The following RBM4 variants were observed in gnomAD, a reference collection of about 807,000 sequenced individuals.
RBM4 encodes the protein RNA-binding protein 4.
In RBM4, 7 loss-of-function variants were observed where a neutral mutation model predicts 29.5. The observed-to-expected ratio is 0.24, with a 90% CI of 0.14 to 0.45. The LOEUF is 0.45. Among genes scored for constraint, RBM4 ranks in the 20% least tolerant of loss-of-function variants. The probability of loss-of-function intolerance (pLI) is 1.00; values close to 1 mark genes in which losing one functional copy is unlikely to be tolerated. For missense variants in RBM4, 387 were observed against 502.3 expected (o/e 0.77, Z 2.19); for synonymous variants, 220 against 205.4 (o/e 1.07, Z -0.61).
Position 66,644,275 on chromosome 11 carries a change from A to G in RBM4, c.*8+135A>G, listed in dbSNP as rs1471799471. ...AGGTTACTAGGATGGCTCACAGGCT[A>G]GAGAGAAGTCCTAACTGCTTAACTT... On this transcript the variant is annotated intron_variant, in intron 3 of 3. Coordinates refer to ENST00000310092, the MANE Select transcript of RBM4 (RefSeq NM_002896.4). 6 of 1,253,140 alleles carry G rather than the reference A, an allele frequency of 4.8e-6. No homozygotes were observed. In the Admixed American group the frequency reaches 8.8e-5, roughly 18 times the overall value. The allele number at this position is 1,253,140 out of a possible 1,614,324, so 77.6% of individuals were successfully genotyped here.
At chr11:66,654,494 T>A (rs1938901421) in intron 2 of RBM4, among the ~76,000 whole-genome samples, 2 of 151,750 alleles carry the variant, frequency 1.3e-5, no homozygotes, top group South Asian at 4.2e-4. Flanking sequence ...AGACTCCATC[T>A]CAAAAAAAAA....
At chr11:66,646,569 T>G (rs528323954), downstream of RBM4, 1 of 983,992 alleles carries the variant, frequency 1.0e-6, no homozygotes, top group East Asian at 1.1e-4. Flanking sequence ...CAGCTTTGGG[T>G]GAACGTCACT....
Position 66,646,106 on chromosome 11 carries a change from G to T in RBM4, c.*88G>T. ...CTTCGTGGTACCCCATCTCCGGGAC[G>T]TTCTCGGCTCTGTGCGTTCAGTCCC... is the stretch of plus-strand genomic sequence containing the variant. On this transcript the variant is annotated 3_prime_UTR_variant, in exon 4 of 4. Transcript: ENST00000310092. 1 of 1,535,194 alleles carries T rather than the reference G, an allele frequency of 6.5e-7. No individual in the cohort carries two copies. Among genetic ancestry groups the T allele is most frequent in the South Asian group, 1.2e-5 (1 of 84,012 alleles).
chr11:66,662,872 C>CCTTTGCCTT (rs1939110654), intron 2 of RBM4, among the ~76,000 whole-genome samples: 2 of 152,160 alleles, frequency 1.3e-5, no homozygotes, highest in African/African-American at 2.4e-5. Flanking sequence ...AAAACAGAGA[C>CCTTTGCCTT]AGTCTTGCTT....
At chr11:66,644,979 T>C (rs1938630189) in intron 3 of RBM4, among the ~76,000 whole-genome samples, 1 of 152,088 alleles carries the variant, frequency 6.6e-6, no homozygotes, top group Non-Finnish European at 1.5e-5. Context: ...TGACATCATC[T>C]ACTTTCTCAG....
downstream of RBM4, among the ~76,000 whole-genome samples, chr11:66,650,540 C>T (rs1938803137): frequency 6.6e-6 from 1 of 150,982 alleles, no homozygotes; most frequent in African/African-American, 2.4e-5. Flanking sequence ...CATTGAACTC[C>T]AGCCTGGGCA....
downstream of RBM4, among the ~76,000 whole-genome samples, chr11:66,649,330 ACT>A (rs1460301549): frequency 6.6e-6 from 1 of 152,078 alleles, no homozygotes; most frequent in Non-Finnish European, 1.5e-5. Flanking sequence ...GAGAGGAAAA[ACT>A]CTATCAAGAA....
chr11:66,645,196 C>G (rs556944960), intron 3 of RBM4, among the ~76,000 whole-genome samples: 3 of 152,300 alleles, frequency 2.0e-5, no homozygotes, highest in Admixed American at 6.5e-5. Context: ...GCCCCATGAT[C>G]CATTTGGCTC....
At chr11:66,648,501 G>A (rs1172693590), downstream of RBM4, among the ~76,000 whole-genome samples, 1 of 151,796 alleles carries the variant, frequency 6.6e-6, no homozygotes, top group East Asian at 1.9e-4. Context: ...CAGCCTGGGT[G>A]TCTCAAAAAA....
chr11:66,649,432 C>T (rs1051482795), downstream of RBM4, among the ~76,000 whole-genome samples: 2 of 152,210 alleles, frequency 1.3e-5, no homozygotes, highest in African/African-American at 4.8e-5. Context: ...GAAGTTCCAG[C>T]TACTAAGAGG....
At position 66,646,256 on chromosome 11, in the gene RBM4, G is replaced by C; in HGVS notation, c.*238G>C. 7.1e-7 allele frequency: 1 copy of C among 1,409,990 alleles called. No homozygotes were observed. 87.3% of individuals were successfully genotyped at this position (1,409,990 alleles called of 1,614,324 possible). ...AATACTTCTGTAGCTTCCCATTCAT[G>C]TTCTCTTCTCCCAGCAGGCCTCATT... On this transcript the variant is annotated 3_prime_UTR_variant, in exon 4 of 4. Coordinates refer to ENST00000310092, the MANE Select transcript of RBM4 (RefSeq NM_002896.4).
At chr11:66,659,915 T>A (rs1939041358) in intron 2 of RBM4, among the ~76,000 whole-genome samples, 1 of 152,202 alleles carries the variant, frequency 6.6e-6, no homozygotes, top group Non-Finnish European at 1.5e-5. Flanking sequence ...TTGTGAAATG[T>A]ATGTAAATCA....
intron 2 of RBM4, among the ~76,000 whole-genome samples, chr11:66,662,428 G>C (rs1352940401): frequency 1.3e-5 from 2 of 152,078 alleles, no homozygotes; most frequent in Non-Finnish European, 2.9e-5. Flanking sequence ...TTGAGACAGA[G>C]TCTCACTCTG....
chr11:66,655,337 T>G (rs1422320533), intron 2 of RBM4, among the ~76,000 whole-genome samples: 1 of 151,680 alleles, frequency 6.6e-6, no homozygotes, highest in Non-Finnish European at 1.5e-5. Context: ...TCACCCAGAC[T>G]GCAGTGCAGT....
rs892031238 is a variant in RBM4 at position 66,660,447 on chromosome 11, G to A, written c.413-5409G>A. ...GCTCACTACAACCTTTGCCTCCTGG[G>A]TTCAAGTGATTCTCCTACTTCAGCC... On this transcript the variant is annotated intron_variant, in intron 2 of 2. Transcript: ENST00000396053. Among the ~76,000 whole-genome samples, 6 of 150,820 alleles carry A rather than the reference G, an allele frequency of 4.0e-5. No individual in the cohort carries two copies. In the South Asian group the frequency reaches 6.3e-4, roughly 16 times the overall value.
At chr11:66,658,834 GGCT>G (rs1939014053) in intron 2 of RBM4, among the ~76,000 whole-genome samples, 1 of 151,686 alleles carries the variant, frequency 6.6e-6, no homozygotes. Context: ...CTTCTTGGGA[GGCT>G]GAGACAGGAG....
intron 2 of RBM4, among the ~76,000 whole-genome samples, chr11:66,657,897 T>C (rs185680986): frequency 2.0e-5 from 3 of 152,162 alleles, no homozygotes; most frequent in African/African-American, 7.2e-5. Context: ...CTAATTTCTG[T>C]ATTTTGTAGT....
chr11:66,643,606 A>G lies in RBM4; in HGVS notation c.569A>G (p.Tyr190Cys), dbSNP rs1275518268. 1.2e-6 allele frequency: 2 copies of G among 1,614,206 alleles called. No homozygotes were observed. The highest frequency in any genetic ancestry group is 1.7e-5 in the Admixed American group (1 of 60,026). The change falls in exon 3 of 4, where the codon TAT (tyrosine) becomes TGT (cysteine). Residue 190 changes from tyrosine (Y) to cysteine (C), a missense_variant. Physicochemically the swap from Tyr to Cys is radical, Grantham distance 194. Coordinates refer to ENST00000310092, the MANE Select transcript of RBM4 (RefSeq NM_002896.4). The surrounding 1 kb of genome is among the most constrained non-coding windows in gnomAD (Gnocchi z 6.1). The part of the protein sequence containing the change: ...SGRVADLTEQ[Y>C]NEQYGAVRTP... ...CGCGTGGCAGACTTGACCGAGCAAT[A>G]TAATGAGCAATACGGAGCAGTGCGT...
chr11:66,649,595 T>C (rs1938783188), downstream of RBM4: 1 of 582,228 alleles, frequency 1.7e-6, no homozygotes, highest in Non-Finnish European at 3.1e-6. Flanking sequence ...TCAACATCAA[T>C]GTATTATGAA....
Sources: allele counts gnomAD v4.1 joint callset (sites outside exome capture counted in the v4.1 genomes callset), GRCh38; gene constraint gnomAD v4.1.1; non-coding constraint Gnocchi (gnomAD v3.1); transcripts MANE v1.5; gene names NCBI Gene and HGNC (gene_info 2026-07-23, HGNC 2026-07-21).